PDE6C: variants seen among roughly 807,000 people sequenced by gnomAD.
PDE6C encodes phosphodiesterase 6C, also known as cone cGMP-specific 3',5'-cyclic phosphodiesterase subunit alpha'.
Under a neutral mutation model 113.1 loss-of-function variants are expected in PDE6C, and 75 were observed. That is an observed-to-expected ratio of 0.66 (90% CI 0.55 to 0.80). The LOEUF (loss-of-function observed/expected upper bound fraction) is 0.80, where lower values mean the gene tolerates loss of function less well. Ranked by LOEUF, PDE6C falls within the 30% of genes least tolerant of loss-of-function variation. The pLI, the probability that PDE6C is intolerant of heterozygous loss-of-function variation, is 0.00. For synonymous variants in PDE6C, 375 were observed against 363.7 expected (o/e 1.03, Z -0.35); for missense variants, 912 against 1,038.6 (o/e 0.88, Z 1.67).
rs3781276 is a variant in PDE6C, at chr10:93,625,853, T to A, written c.939+204T>A. On this transcript the variant is annotated intron_variant, in intron 5 of 21. Coordinates refer to ENST00000371447, the MANE Select transcript of PDE6C (RefSeq NM_006204.4). The stretch of plus-strand genomic sequence containing the variant: ...CTTAACTCCTTGTTGAACCTCTCCG[T>A]TTCCTTTTCTATAAAGCCAGGGCTT... Among the ~76,000 whole-genome samples the A allele has an allele frequency of 1.8e-4, 28 of 152,334 alleles. No homozygotes were observed. In the East Asian group the frequency reaches 5.4e-3, roughly 29 times the overall value.
At chr10:93,661,717 C>T (rs1029309762) in intron 18 of PDE6C, among the ~76,000 whole-genome samples, 2 of 152,140 alleles carry the variant, frequency 1.3e-5, no homozygotes, top group African/African-American at 4.8e-5. Flanking sequence ...TAGATGCTAA[C>T]AGATAGACAG....
intron 1 of PDE6C, among the ~76,000 whole-genome samples, chr10:93,618,212 T>A (rs1347858041): frequency 6.6e-6 from 1 of 152,126 alleles, no homozygotes; most frequent in African/African-American, 2.4e-5. Context: ...AAGAACTACT[T>A]CTCATTCAGG....
rs551704816 is a variant in PDE6C at position 93,665,706 on chromosome 10, G to A, written c.*288G>A. 3.4e-5 allele frequency: 14 copies of A among 407,164 alleles called. No homozygotes were observed. Among genetic ancestry groups the A allele is most frequent in the African/African-American group, 2.0e-4 (10 of 48,954 alleles). 25.2% of individuals were successfully genotyped at this position (407,164 alleles called of 1,614,324 possible). A position where few individuals can be genotyped will look rare whatever the true frequency, so the allele number is the denominator to read the frequency against. ...CAAATTCTTTTTTAAAACATTAATTGTATTTATTTGCTAAGGCTGCTATAA... is the reference window on the plus strand; with the variant it reads ...CAAATTCTTTTTTAAAACATTAATTATATTTATTTGCTAAGGCTGCTATAA... On this transcript the variant is annotated 3_prime_UTR_variant, in exon 22 of 22. Coordinates refer to ENST00000371447, the MANE Select transcript of PDE6C (RefSeq NM_006204.4).
intron 4 of PDE6C, among the ~76,000 whole-genome samples, chr10:93,625,077 A>T (rs1026425453): frequency 2.0e-5 from 3 of 152,102 alleles, no homozygotes; most frequent in African/African-American, 7.2e-5. Flanking sequence ...TGATCTAGGC[A>T]CCTCATGTAG....
chr10:93,631,469 A>G lies in PDE6C; in HGVS notation c.1119+2164A>G, dbSNP rs78495396. ...CCCTAGGAATGCCTAACAGCTCTGC[A>G]AACAGTTTCAGAACAGCACGGTGGT... On this transcript the variant is annotated intron_variant, in intron 8 of 21. Coordinates refer to ENST00000371447, the MANE Select transcript of PDE6C (RefSeq NM_006204.4). 7.5e-3 allele frequency among the ~76,000 whole-genome samples: 1,150 copies of G among 152,340 alleles called. 17 individuals are homozygous for G. Among genetic ancestry groups the G allele is most frequent in the African/African-American group, 0.026 (1,100 of 41,586 alleles).
rs1554892451 is a variant in PDE6C, at chr10:93,665,422, T to TACCTACCATGTAGATAA, written c.*5_*6insCCTACCATGTAGATAAA. The TACCTACCATGTAGATAA allele has an allele frequency of 8.0e-5, 124 of 1,557,624 alleles. No homozygotes were observed. The highest frequency in any genetic ancestry group is 1.0e-4 in the Non-Finnish European group (113 of 1,128,778). On this transcript the variant is annotated 3_prime_UTR_variant, in exon 22 of 22. Coordinates refer to ENST00000371447, the MANE Select transcript of PDE6C (RefSeq NM_006204.4). ...CAAAACATGTTTAATGTTGTAATATTATCTAACTGGTCTAAACTTCAAATA... is the reference window on the plus strand; with the variant it reads ...CAAAACATGTTTAATGTTGTAATATTACCTACCATGTAGATAAATCTAACTGGTCTAAACTTCAAATA...
At chr10:93,618,519 T>C (rs1019214438) in intron 1 of PDE6C, among the ~76,000 whole-genome samples, 29 of 152,176 alleles carry the variant, frequency 1.9e-4, no homozygotes, top group African/African-American at 7.0e-4. Flanking sequence ...AAGAGTTGGT[T>C]TGTGTGTTTC....
chr10:93,642,180 A>G (rs983071850), intron 14 of PDE6C, among the ~76,000 whole-genome samples: 4 of 152,180 alleles, frequency 2.6e-5, no homozygotes, highest in Non-Finnish European at 4.4e-5. Flanking sequence ...CCTTGCCAAC[A>G]TGGTGAAACC....
chr10:93,662,062 G>A lies in PDE6C; in HGVS notation c.2212G>A (p.Ala738Thr). 6.3e-7 allele frequency: 1 copy of A among 1,596,122 alleles called. No individual in the cohort carries two copies. The highest frequency in any genetic ancestry group is 8.6e-7 in the Non-Finnish European group (1 of 1,163,678). The change falls in exon 19 of 22, where the codon GCA (alanine) becomes ACA (threonine). Residue 738 changes from alanine to threonine, a missense_variant. Physicochemically the swap from Ala to Thr is moderately conservative, Grantham distance 58. Coordinates refer to ENST00000371447, the MANE Select transcript of PDE6C (RefSeq NM_006204.4). ...ACCAAGCCTTTCTCATTTGCAGGTA[G>A]CACTTATGGTTGCAAATGAATTTTG... ...TKPWEVQSQV[A>T]LMVANEFWEQ...
intron 4 of PDE6C, among the ~76,000 whole-genome samples, chr10:93,624,649 T>C (rs562070114): frequency 3.3e-5 from 5 of 152,330 alleles, no homozygotes; most frequent in African/African-American, 1.2e-4. Context: ...TGATCTTGGT[T>C]CTGGGACTTT....
chr10:93,662,565 G>A lies in PDE6C; in HGVS notation c.2289G>A (p.Met763Ile), dbSNP rs201509952. 1.4e-6 allele frequency: 2 copies of A among 1,451,550 alleles called. No homozygotes were observed. The highest frequency in any genetic ancestry group is 1.4e-5 in the African/African-American group (1 of 71,714). 89.9% of individuals were successfully genotyped at this position (1,451,550 alleles called of 1,614,324 possible). A position where few individuals can be genotyped will look rare whatever the true frequency, so the allele number is the denominator to read the frequency against. ...GGATTTATTTCTCTTTCTAGCCTAT[G>A]ATGGACAGAAACAAAAGAGATGAAT... ...RTVLQQQPIP[M>I]MDRNKRDELP... Residue 763 changes from methionine to isoleucine, a missense_variant, in exon 20 of 22, where the codon ATG becomes ATA. By Grantham distance (10) the Met-to-Ile change is conservative. Coordinates refer to ENST00000371447, the MANE Select transcript of PDE6C (RefSeq NM_006204.4).
chr10:93,634,485 A>G (rs898271929), intron 8 of PDE6C, among the ~76,000 whole-genome samples: 3 of 152,214 alleles, frequency 2.0e-5, no homozygotes, highest in South Asian at 2.1e-4. Flanking sequence ...ACACACACAT[A>G]TATGTGCAAA....
rs892403587 is a variant in PDE6C at position 93,640,527 on chromosome 10, C to T, written c.1707C>T (p.Asn569=). 15 of 1,613,144 alleles carry T rather than the reference C, an allele frequency of 9.3e-6. No homozygotes were observed. In the East Asian group the frequency reaches 1.3e-4, roughly 14 times the overall value. The change falls in exon 13 of 22, where the codon AAC becomes AAT. Residue 569 remains asparagine (N), a synonymous_variant. Coordinates refer to ENST00000371447, the MANE Select transcript of PDE6C (RefSeq NM_006204.4). ...ACCACAATTGGCGGCATGGGTTCAA[C>T]GTGGGGCAGACCATGTTTACTTTGC... ...VTYHNWRHGF[N]VGQTMFTLLM... is the part of the protein sequence containing the mutation.
At chr10:93,632,185 C>G (rs536391990) in intron 8 of PDE6C, among the ~76,000 whole-genome samples, 1 of 152,166 alleles carries the variant, frequency 6.6e-6, no homozygotes. Context: ...TTTAAGGATC[C>G]TTGTAATTAC....
At chr10:93,636,366 CTTTGTG>C (rs1564800149) in intron 10 of PDE6C, among the ~76,000 whole-genome samples, 1 of 90,610 alleles carries the variant, frequency 1.1e-5, no homozygotes, top group Non-Finnish European at 2.2e-5. Flanking sequence ...ATTTCCCTGG[CTTTGTG>C]TGTGTGTGTG....
rs1048987485 is a variant in PDE6C at position 93,613,064 on chromosome 10, G to T, written c.339G>T (p.Arg113Ser). Residue 113 changes from arginine (R) to serine (S), a missense_variant, in exon 1 of 22, where the codon AGG (arginine) becomes AGT (serine). Physicochemically the swap from Arg to Ser is moderately radical, Grantham distance 110 (BLOSUM62 -1). Transcript: ENST00000371447. ...ACGGCATACCTGAGGTGGCCTCTAG[G>T]TTGCTGGATGTCACCCCCACCTCCA... ...SRNGIPEVAS[R>S]LLDVTPTSKF... The T allele has an allele frequency of 3.1e-6, 5 of 1,614,110 alleles. No homozygotes were observed. Among genetic ancestry groups the T allele is most frequent in the Non-Finnish European group, 3.4e-6 (4 of 1,180,054 alleles).
intron 21 of PDE6C, among the ~76,000 whole-genome samples, chr10:93,663,814 C>T (rs1263271185): frequency 6.6e-6 from 1 of 152,072 alleles, no homozygotes; most frequent in Non-Finnish European, 1.5e-5. Context: ...TTAGGATTAA[C>T]TATTAGTTCA....
intron 4 of PDE6C, among the ~76,000 whole-genome samples, chr10:93,623,928 C>T (rs1259349502): frequency 6.6e-6 from 1 of 152,072 alleles, no homozygotes; most frequent in Non-Finnish European, 1.5e-5. Context: ...TTTTAACCTA[C>T]CTGATTCTTG....
chr10:93,629,857 A>T (rs2058491552), intron 8 of PDE6C, among the ~76,000 whole-genome samples: 1 of 152,084 alleles, frequency 6.6e-6, no homozygotes, highest in Non-Finnish European at 1.5e-5. Context: ...TCACCCGAGT[A>T]CCCACTGCTC....
Sources: allele counts gnomAD v4.1 joint callset (sites outside exome capture counted in the v4.1 genomes callset), GRCh38; gene constraint gnomAD v4.1.1; transcripts MANE v1.5; gene names NCBI Gene and HGNC (gene_info 2026-07-23, HGNC 2026-07-21).